Variants in HNMT observed in about 807,000 individuals in gnomAD.
The protein encoded by HNMT is histamine N-methyltransferase.
In HNMT, 30 loss-of-function variants were observed where a neutral mutation model predicts 32.1. The ratio of observed to expected loss-of-function variants is 0.93; its 90% CI spans 0.70 to 1.27. HNMT has a LOEUF of 1.27. HNMT is among the 50% of genes most tolerant of loss of function. HNMT has a pLI of 0.00. For synonymous variants in HNMT, 125 were observed against 119.0 expected, an observed-to-expected ratio of 1.05 and a Z score of -0.33; for missense variants, 327 against 346.0, an observed-to-expected ratio of 0.95 and a Z score of 0.43.
chr2:137,970,225 T>C lies in HNMT; in HGVS notation c.190+8T>C. 6 of 1,477,660 alleles carry C rather than the reference T, an allele frequency of 4.1e-6. No homozygotes were observed. The highest frequency in any genetic ancestry group is 5.6e-6 in the Non-Finnish European group (6 of 1,072,520). The allele number at this position is 1,477,660 out of a possible 1,614,324, so 91.5% of individuals were successfully genotyped here. A position where few individuals can be genotyped will look rare whatever the true frequency, so the allele number is the denominator to read the frequency against. On this transcript the variant is annotated splice_region_variant and intron_variant, in intron 2 of 5. Transcript: ENST00000280097. ...GCATAGGCGGAGGTGCAGGTATGAGTAATATATTTTTAAAGTTCATATTTC... is the reference window on the plus strand; with the variant it reads ...GCATAGGCGGAGGTGCAGGTATGAGCAATATATTTTTAAAGTTCATATTTC...
chr2:137,998,783 T>G (rs1243165209), intron 2 of HNMT, among the ~76,000 whole-genome samples: 1 of 152,198 alleles, frequency 6.6e-6, no homozygotes, highest in East Asian at 1.9e-4. Flanking sequence ...CATCAAGCCC[T>G]GAGGGGATAT....
In HNMT at chr2:137,970,932, AAAAAGAAAG is replaced by A. The variant is rs1367934999; in HGVS notation, c.190+719_190+727del. Among the ~76,000 whole-genome samples the A allele has an allele frequency of 1.8e-3, 128 of 70,064 alleles. 4 individuals carry two copies. The highest frequency in any genetic ancestry group is 4.7e-3 in the South Asian group (7 of 1,474). 46.0% of individuals were successfully genotyped at this position (70,064 alleles called of 152,430 possible). The stretch of plus-strand genomic sequence containing the variant: ...GAGACTACGTCTCAAAAAAAAAAAA[AAAAAGAAAG>A]AAAGAAAGAAAGAAAGAAAGAAAGA... On this transcript the variant is annotated intron_variant, in intron 2 of 5. Transcript: ENST00000280097.
At chr2:137,974,464 G>A (rs959393284) in intron 2 of HNMT, among the ~76,000 whole-genome samples, 25 of 151,974 alleles carry the variant, frequency 1.6e-4, no homozygotes, top group Non-Finnish European at 4.4e-5. Flanking sequence ...TAGATGGTAC[G>A]TGGGAAAAAA....
intron 5 of HNMT, among the ~76,000 whole-genome samples, chr2:138,006,670 T>C (rs1681339727): frequency 6.6e-6 from 1 of 152,028 alleles, no homozygotes; most frequent in African/African-American, 2.4e-5. Flanking sequence ...CATCAAGAAA[T>C]TTGAAGACCA....
chr2:137,998,920 T>A (rs1043939841), intron 2 of HNMT, among the ~76,000 whole-genome samples: 2 of 152,192 alleles, frequency 1.3e-5, no homozygotes, highest in Middle Eastern at 3.2e-3. Context: ...TCTAGTCTTT[T>A]GGGGGCAAGC....
In HNMT at chr2:138,002,179, T is replaced by C; in HGVS notation, c.414T>C (p.Phe138=). Residue 138 remains phenylalanine, a synonymous_variant, in exon 4 of 6, where the codon TTT becomes TTC. Coordinates refer to ENST00000280097, the MANE Select transcript of HNMT (RefSeq NM_006895.3). ...LEKKELQKWD[F]IHMIQMLYYV... ...AAAAGGAGCTTCAAAAGTGGGACTTTATTCATATGATTCAAGTAAGAAATA... is the reference window on the plus strand; with the variant it reads ...AAAAGGAGCTTCAAAAGTGGGACTTCATTCATATGATTCAAGTAAGAAATA... The C allele has an allele frequency of 6.4e-7, 1 of 1,571,952 alleles. No individual in the cohort carries two copies.
intron 2 of HNMT, among the ~76,000 whole-genome samples, chr2:137,988,352 A>G (rs1203943441): frequency 6.6e-6 from 1 of 152,178 alleles, no homozygotes; most frequent in Non-Finnish European, 1.5e-5. Context: ...CCTGAATAAG[A>G]GCACAGCTAG....
chr2:138,010,437 A>ACACG (rs577602110), intron 5 of HNMT, among the ~76,000 whole-genome samples: 3 of 104,090 alleles, frequency 2.9e-5, no homozygotes, highest in Admixed American at 2.4e-4. Flanking sequence ...TAAAAAAGAC[A>ACACG]CACGCACACA....
chr2:138,001,693 T>G (rs78207587), intron 3 of HNMT, among the ~76,000 whole-genome samples: 1 of 152,104 alleles, frequency 6.6e-6, no homozygotes, highest in Non-Finnish European at 1.5e-5. Flanking sequence ...CAAAAATAAG[T>G]AGCAGGCTAG....
chr2:138,001,081 A>G lies in HNMT; in HGVS notation c.298+56A>G, dbSNP rs369539914. ...ATCCTATCCCAAAAGACTTAACTCAAATTGTTCCCTTGAATGATTAAAAAT... is the reference window on the plus strand; with the variant it reads ...ATCCTATCCCAAAAGACTTAACTCAGATTGTTCCCTTGAATGATTAAAAAT... On this transcript the variant is annotated intron_variant, in intron 3 of 5. Coordinates refer to ENST00000280097, the MANE Select transcript of HNMT (RefSeq NM_006895.3). 5.7e-5 allele frequency: 49 copies of G among 862,162 alleles called. No homozygotes were observed. In the East Asian group the frequency reaches 8.8e-4, roughly 16 times the overall value. 53.4% of individuals were successfully genotyped at this position (862,162 alleles called of 1,614,324 possible). A position where few individuals can be genotyped will look rare whatever the true frequency, so the allele number is the denominator to read the frequency against.
intron 1 of HNMT, 28 bp from the exon 2 acceptor site, chr2:137,970,137 C>T (rs1178349491): frequency 7.4e-7 from 1 of 1,355,886 alleles, no homozygotes; most frequent in Non-Finnish European, 1.0e-6. Context: ...ACACATTTTT[C>T]TAAAACTACA....
At chr2:137,966,382 C>T (rs1287032931) in intron 1 of HNMT, among the ~76,000 whole-genome samples, 1 of 152,092 alleles carries the variant, frequency 6.6e-6, no homozygotes, top group African/African-American at 2.4e-5. Context: ...TTTCATAATT[C>T]AAAATAACAT....
intron 2 of HNMT, among the ~76,000 whole-genome samples, chr2:137,999,206 A>T (rs1249908234): frequency 6.6e-6 from 1 of 152,148 alleles, no homozygotes; most frequent in Admixed American, 6.6e-5. Flanking sequence ...AATATCATGG[A>T]ACTTGCTGTC....
intron 1 of HNMT, chr2:137,967,029 A>T: frequency 1.3e-6 from 1 of 778,260 alleles, no homozygotes; most frequent in Non-Finnish European, 2.4e-6. Context: ...GTTTGACTGG[A>T]TATAGAACTC....
intron 2 of HNMT, among the ~76,000 whole-genome samples, chr2:137,996,898 C>T (rs1003182462): frequency 3.9e-5 from 6 of 152,208 alleles, no homozygotes; most frequent in South Asian, 2.1e-4. Flanking sequence ...CTTCAACAAA[C>T]CTGACAAAAA....
intron 1 of HNMT, among the ~76,000 whole-genome samples, chr2:137,969,222 A>G (rs565460562): frequency 6.6e-6 from 1 of 152,154 alleles, no homozygotes; most frequent in East Asian, 1.9e-4. Flanking sequence ...TATTCTTCAC[A>G]ATCCAGTGAT....
At chr2:138,009,137 A>T (rs145604304) in intron 5 of HNMT, among the ~76,000 whole-genome samples, 1 of 152,122 alleles carries the variant, frequency 6.6e-6, no homozygotes, top group African/African-American at 2.4e-5. Context: ...GCCAAGAAGC[A>T]TTTGAAAAAA....
chr2:137,982,166 C>T (rs987390713), intron 2 of HNMT, among the ~76,000 whole-genome samples: 16 of 152,122 alleles, frequency 1.1e-4, no homozygotes, highest in African/African-American at 3.4e-4. Flanking sequence ...TTTCTTTTCA[C>T]GATTTTTTTC....
intron 2 of HNMT, among the ~76,000 whole-genome samples, chr2:137,991,627 A>G (rs1231092063): frequency 6.6e-6 from 1 of 152,212 alleles, no homozygotes; most frequent in Non-Finnish European, 1.5e-5. Flanking sequence ...AAACATATAG[A>G]TATATAAAAT....
Sources: gnomAD v4.1 joint callset for allele counts (sites outside exome capture counted in the v4.1 genomes callset) on GRCh38, gnomAD v4.1.1 for gene constraint, MANE v1.5 for transcripts, NCBI Gene and HGNC (gene_info 2026-07-23, HGNC 2026-07-21) for gene names.